The following DAB1 variants were observed in gnomAD, a reference collection of about 807,000 sequenced individuals.
DAB1 encodes DAB adaptor protein 1.
Under a neutral mutation model 64.6 loss-of-function variants are expected in DAB1, and 15 were observed. That is an observed-to-expected ratio of 0.23 (90% CI 0.16 to 0.36). The LOEUF is 0.36. Among genes scored for constraint, DAB1 ranks in the 10% least tolerant of loss-of-function variants. The probability of loss-of-function intolerance (pLI) is 1.00; values close to 1 mark genes in which losing one functional copy is unlikely to be tolerated. For synonymous variants in DAB1, 235 were observed against 251.9 expected, an observed-to-expected ratio of 0.93 and a Z score of 0.64; for missense variants, 596 against 706.7, an observed-to-expected ratio of 0.84 and a Z score of 1.78.
At chr1:57,854,976 G>T (rs779552022) in intron 1 of DAB1, among the ~76,000 whole-genome samples, 10 of 152,130 alleles carry the variant, frequency 6.6e-5, no homozygotes, top group African/African-American at 2.4e-4. Flanking sequence ...TAGGTTTTCC[G>T]TAGTTTTTCT....
intron 6 of DAB1, among the ~76,000 whole-genome samples, chr1:57,787,978 A>G (rs1041951296): frequency 9.9e-6 from 1 of 101,448 alleles, no homozygotes; most frequent in Non-Finnish European, 2.0e-5. Flanking sequence ...CATACCTATT[A>G]TGATTAAATA....
chr1:57,824,296 C>T (rs1045594461), downstream of DAB1, among the ~76,000 whole-genome samples: 2 of 152,110 alleles, frequency 1.3e-5, no homozygotes, highest in Admixed American at 6.5e-5. Flanking sequence ...GGTGGGGGTT[C>T]ACCTTCCATG....
At chr1:57,084,239 C>A (rs1271185816) in intron 4 of DAB1, among the ~76,000 whole-genome samples, 1 of 151,932 alleles carries the variant, frequency 6.6e-6, no homozygotes, top group Non-Finnish European at 1.5e-5. Context: ...TGGGCACAGA[C>A]ATGTATATGG....
chr1:57,348,520 C>T lies in DAB1; in HGVS notation c.-136-57354G>A, dbSNP rs77319130. ...TGTGTTTAATTTAATCTCTAAAGCA[C>T]CCAGTACATTTATCATCCCCGTTGT... is the stretch of plus-strand genomic sequence containing the variant. On this transcript the variant is annotated intron_variant, in intron 1 of 14. Coordinates refer to ENST00000371236, the MANE Select transcript of DAB1 (RefSeq NM_001365792.1). Among the ~76,000 whole-genome samples the T allele has an allele frequency of 3.1e-3, 468 of 152,246 alleles. 5 individuals are homozygous for T. The highest frequency in any genetic ancestry group is 2.4e-3 in the Non-Finnish European group (162 of 68,010).
At chr1:57,552,579 C>T (rs1359994246) in intron 7 of DAB1, among the ~76,000 whole-genome samples, 1 of 152,176 alleles carries the variant, frequency 6.6e-6, no homozygotes, top group Non-Finnish European at 1.5e-5. Context: ...GGATCGCATC[C>T]TAGGCACAGG....
rs147646733 is a variant in DAB1 at position 58,357,408 on chromosome 1, C to G, written n.258-14005G>C. On this transcript the variant is annotated intron_variant and non_coding_transcript_variant, in intron 3 of 20. Transcript: ENST00000485760. ...GGGTGGTGGTGCCGTTTCTGCACAA[C>G]AGGAAAAATAAAGAAGTAGCCTAGA... is the stretch of plus-strand genomic sequence containing the variant. 2.6e-5 allele frequency among the ~76,000 whole-genome samples: 4 copies of G among 152,158 alleles called. No individual in the cohort carries two copies. The East Asian group carries it at 7.7e-4, about 29-fold the overall frequency.
At chr1:57,570,673 A>G (rs2691425) in intron 7 of DAB1, among the ~76,000 whole-genome samples, 102,837 of 151,838 alleles carry the variant, frequency 0.68, 35,430 homozygotes, top group South Asian at 0.79. Flanking sequence ...TTTTAATTCC[A>G]TATGAATTTT....
chr1:58,192,097 G>A (rs1657418366), intron 4 of DAB1, among the ~76,000 whole-genome samples: 1 of 152,148 alleles, frequency 6.6e-6, no homozygotes, highest in Non-Finnish European at 1.5e-5. Flanking sequence ...AGCTAAGACT[G>A]CACTTAGATG....
At chr1:58,446,457 G>A (rs1341709718) in intron 3 of DAB1, among the ~76,000 whole-genome samples, 2 of 152,124 alleles carry the variant, frequency 1.3e-5, no homozygotes, top group Non-Finnish European at 2.9e-5. Context: ...CCAGAACACT[G>A]GGTTAGACAA....
chr1:58,397,526 A>C (rs1644533472), intron 3 of DAB1, among the ~76,000 whole-genome samples: 1 of 150,954 alleles, frequency 6.6e-6, no homozygotes, highest in African/African-American at 2.4e-5. Context: ...GACTCCTGAA[A>C]CCAGGTTGAA....
intron 1 of DAB1, among the ~76,000 whole-genome samples, chr1:57,845,560 C>G (rs939055226): frequency 6.6e-6 from 1 of 152,082 alleles, no homozygotes. Flanking sequence ...CAAGTGACAA[C>G]CTTTTGGAAA....
chr1:57,055,716 G>A (rs920213514), intron 9 of DAB1, among the ~76,000 whole-genome samples: 29 of 152,144 alleles, frequency 1.9e-4, no homozygotes, highest in Admixed American at 1.4e-3. Context: ...TGCTGACTGA[G>A]GCTCTAAGAC....
intron 1 of DAB1, among the ~76,000 whole-genome samples, chr1:57,388,766 T>A (rs1682098396): frequency 6.6e-6 from 1 of 152,174 alleles, no homozygotes. Context: ...TTTCTTCTTA[T>A]CCCTCTTGTT....
At chr1:57,351,635 TTGTG>T (rs1045732712) in intron 1 of DAB1, among the ~76,000 whole-genome samples, 44 of 151,286 alleles carry the variant, frequency 2.9e-4, no homozygotes, top group African/African-American at 1.0e-3. Flanking sequence ...ACACATAGGG[TTGTG>T]TGTGTGTGTG....
chr1:58,197,104 G>A (rs1016355517), intron 4 of DAB1, among the ~76,000 whole-genome samples: 8 of 152,116 alleles, frequency 5.3e-5, no homozygotes, highest in African/African-American at 1.9e-4. Context: ...CTAGATGGTG[G>A]AGTCATGCAA....
At chr1:57,061,845 G>T (rs898681305) in intron 9 of DAB1, among the ~76,000 whole-genome samples, 71 of 152,134 alleles carry the variant, frequency 4.7e-4, no homozygotes, top group Middle Eastern at 3.2e-3. Context: ...CAGTGTTCCA[G>T]GTAGAACGAT....
chr1:58,281,526 C>T (rs746263782), intron 4 of DAB1, among the ~76,000 whole-genome samples: 6 of 152,050 alleles, frequency 3.9e-5, no homozygotes, highest in Admixed American at 6.6e-5. Context: ...TCCTTGCCTC[C>T]ACTCCCCCTC....
intron 4 of DAB1, among the ~76,000 whole-genome samples, chr1:58,322,736 C>T (rs1037216925): frequency 6.6e-6 from 1 of 152,208 alleles, no homozygotes; most frequent in Admixed American, 6.5e-5. Flanking sequence ...GATCCCATTA[C>T]TGGGTATATA....
intron 6 of DAB1, among the ~76,000 whole-genome samples, chr1:57,684,879 C>A (rs1340955950): frequency 6.6e-6 from 1 of 152,046 alleles, no homozygotes; most frequent in African/African-American, 2.4e-5. Flanking sequence ...TACCCACAGG[C>A]TCAAAGTAAA....
Sources: gnomAD v4.1 joint callset for allele counts (sites outside exome capture counted in the v4.1 genomes callset) on GRCh38, gnomAD v4.1.1 for gene constraint, MANE v1.5 for transcripts, NCBI Gene and HGNC (gene_info 2026-07-23, HGNC 2026-07-21) for gene names.